The following VPS54 variants were observed in gnomAD, a reference collection of about 807,000 sequenced individuals.
The protein encoded by VPS54 is VPS54 subunit of GARP complex.
In VPS54, 45 loss-of-function variants were observed where a neutral mutation model predicts 121.5. The ratio of observed to expected loss-of-function variants is 0.37; its 90% CI spans 0.29 to 0.47. VPS54 has a LOEUF of 0.47. Ranked by LOEUF, VPS54 falls within the 20% of genes least tolerant of loss-of-function variation. The pLI, the probability that VPS54 is intolerant of heterozygous loss-of-function variation, is 0.99. For missense variants in VPS54, 1,090 were observed against 1,131.4 expected, an observed-to-expected ratio of 0.96 and a Z score of 0.52; for synonymous variants, 371 against 385.8, an observed-to-expected ratio of 0.96 and a Z score of 0.45.
intron 1 of VPS54, among the ~76,000 whole-genome samples, chr2:63,986,105 T>C (rs969167388): frequency 3.3e-4 from 50 of 152,192 alleles, no homozygotes; most frequent in African/African-American, 1.1e-3. Context: ...ACACAGTAGG[T>C]ATTTATCCTT....
At chr2:63,948,955 T>G (rs1370952280) in intron 8 of VPS54, 82 bp downstream of exon 8, 1 of 1,517,122 alleles carries the variant, frequency 6.6e-7, no homozygotes, top group African/African-American at 1.4e-5. Flanking sequence ...TAATTTTGAT[T>G]CCTATAATCT....
At chr2:63,953,370 T>G (rs1291810401) in intron 7 of VPS54, among the ~76,000 whole-genome samples, 1 of 152,110 alleles carries the variant, frequency 6.6e-6, no homozygotes, top group Non-Finnish European at 1.5e-5. Context: ...TGACCTCAAG[T>G]GGTCCACCCG....
intron 5 of VPS54, among the ~76,000 whole-genome samples, chr2:63,968,243 T>C (rs1023279034): frequency 6.6e-6 from 1 of 152,112 alleles, no homozygotes; most frequent in South Asian, 2.1e-4. Context: ...AAAGTAAGTA[T>C]CTCTTAATAA....
intron 9 of VPS54, among the ~76,000 whole-genome samples, chr2:63,945,346 C>T (rs1674928056): frequency 6.6e-6 from 1 of 152,126 alleles, no homozygotes; most frequent in African/African-American, 2.4e-5. Flanking sequence ...ATGATGAGAA[C>T]ACACAGACAC....
At chr2:63,898,579 C>T (rs1672540559) in intron 21 of VPS54, among the ~76,000 whole-genome samples, 2 of 152,082 alleles carry the variant, frequency 1.3e-5, no homozygotes, top group South Asian at 2.1e-4. Context: ...GCAAGAGACA[C>T]TAAGAAAGCC....
At chr2:63,961,612 A>G (rs190699761) in intron 7 of VPS54, among the ~76,000 whole-genome samples, 7 of 152,326 alleles carry the variant, frequency 4.6e-5, no homozygotes, top group Admixed American at 4.6e-4. Context: ...TTCTATCACC[A>G]TGTGGATTTC....
At chr2:63,982,600 G>C (rs772258208) in intron 2 of VPS54, among the ~76,000 whole-genome samples, 5 of 152,082 alleles carry the variant, frequency 3.3e-5, no homozygotes, top group Non-Finnish European at 7.3e-5. Flanking sequence ...CACTAACACC[G>C]AACTTGTGGC....
At chr2:63,900,883 C>T (rs941841678) in intron 20 of VPS54, among the ~76,000 whole-genome samples, 2 of 152,120 alleles carry the variant, frequency 1.3e-5, no homozygotes, top group Non-Finnish European at 2.9e-5. Context: ...CTGCCTCAGC[C>T]TCCCGAGTAG....
At chr2:63,967,450 C>G (rs888213928) in intron 5 of VPS54, among the ~76,000 whole-genome samples, 2 of 152,014 alleles carry the variant, frequency 1.3e-5, no homozygotes, top group East Asian at 3.8e-4. Context: ...CCCAGTGGTT[C>G]ATGCTTGTAA....
intron 1 of VPS54, among the ~76,000 whole-genome samples, chr2:64,014,256 C>T (rs989331341): frequency 1.3e-5 from 2 of 152,048 alleles, no homozygotes; most frequent in Non-Finnish European, 2.9e-5. Flanking sequence ...GATTATTCCC[C>T]AAAAGGGAAT....
chr2:63,939,800 C>T (rs929421964), intron 11 of VPS54, among the ~76,000 whole-genome samples: 38 of 151,262 alleles, frequency 2.5e-4, no homozygotes, highest in African/African-American at 8.2e-4. Flanking sequence ...CTTGCTCCGT[C>T]ACCAGGCTGG....
chr2:63,931,544 T>TAA (rs1210103438), intron 12 of VPS54, among the ~76,000 whole-genome samples: 7 of 152,082 alleles, frequency 4.6e-5, no homozygotes, highest in African/African-American at 1.7e-4. Context: ...CCTAGGACCA[T>TAA]AAAACTCCTA....
At chr2:63,943,687 TAATAG>T (rs1448190966) in intron 10 of VPS54, among the ~76,000 whole-genome samples, 7 of 151,492 alleles carry the variant, frequency 4.6e-5, no homozygotes, top group Non-Finnish European at 8.8e-5. Context: ...CTTCTTAAAA[TAATAG>T]AATAGGAATT....
Position 63,896,453 on chromosome 2 carries a change from A to C in VPS54, c.2828+1043T>G, listed in dbSNP as rs182771984. Among the ~76,000 whole-genome samples the C allele has an allele frequency of 9.3e-4, 141 of 152,286 alleles. 1 individual carries two copies. The highest frequency in any genetic ancestry group is 1.9e-3 in the Non-Finnish European group (128 of 68,008). ...TATTCAGTGTTCATTATTGTCCTTT[A>C]AGTGTTCCATGGCTTTGAAATTTTT... On this transcript the variant is annotated intron_variant, in intron 22 of 22. Transcript: ENST00000272322.
intron 1 of VPS54, among the ~76,000 whole-genome samples, chr2:63,993,981 T>C (rs1677456614): frequency 6.6e-6 from 1 of 152,326 alleles, no homozygotes; most frequent in Non-Finnish European, 1.5e-5. Context: ...CTAGTTAACG[T>C]GGGAAAGAGA....
At chr2:64,005,715 A>C (rs1307584367) in intron 1 of VPS54, among the ~76,000 whole-genome samples, 1 of 152,214 alleles carries the variant, frequency 6.6e-6, no homozygotes, top group Non-Finnish European at 1.5e-5. Flanking sequence ...GACAATCAAA[A>C]ATGTCCTAGG....
intron 11 of VPS54, among the ~76,000 whole-genome samples, chr2:63,935,575 A>T (rs1008433533): frequency 6.6e-6 from 1 of 152,126 alleles, no homozygotes; most frequent in Admixed American, 6.6e-5. Flanking sequence ...CCTATCCAAC[A>T]TCTATTCTAC....
intron 1 of VPS54, among the ~76,000 whole-genome samples, chr2:64,007,265 T>G (rs1678205904): frequency 6.6e-6 from 1 of 152,178 alleles, no homozygotes; most frequent in African/African-American, 2.4e-5. Context: ...GCAACTTTGA[T>G]GACAAAATTG....
rs1235563746 is a variant in VPS54 at position 63,947,235 on chromosome 2, T to A, written c.1245+148A>T. On this transcript the variant is annotated intron_variant, in intron 9 of 22. Transcript: ENST00000272322. Reference sequence around the variant, plus strand: ...AATAATCTTTTGGCTGGTAAGGCTATGTTTTACTTTCATTTTTCTAAATTT... The same window carrying A: ...AATAATCTTTTGGCTGGTAAGGCTAAGTTTTACTTTCATTTTTCTAAATTT... The A allele has an allele frequency of 5.8e-6, 4 of 691,160 alleles. No individual in the cohort carries two copies. In the South Asian group the frequency reaches 1.1e-4, roughly 18 times the overall value. The allele number at this position is 691,160 out of a possible 1,614,324, so 42.8% of individuals were successfully genotyped here.
Sources: allele counts gnomAD v4.1 joint callset (sites outside exome capture counted in the v4.1 genomes callset), GRCh38; gene constraint gnomAD v4.1.1; transcripts MANE v1.5; gene names NCBI Gene and HGNC (gene_info 2026-07-23, HGNC 2026-07-21).